The following THADA variants were observed in gnomAD, a reference collection of about 807,000 sequenced individuals.
The protein encoded by THADA is THADA armadillo repeat containing.
A neutral mutation model predicts 219.8 loss-of-function variants in THADA; 213 were observed. The observed-to-expected ratio is 0.97, with a 90% CI of 0.87 to 1.09. The LOEUF is 1.09. Ranked by LOEUF, THADA falls within the 50% of genes least tolerant of loss-of-function variation. THADA has a pLI of 0.00. For synonymous variants in THADA, 1,018 were observed against 828.9 expected, an observed-to-expected ratio of 1.23 and a Z score of -3.92; for missense variants, 2,956 against 2,311.3, an observed-to-expected ratio of 1.28 and a Z score of -5.72.
chr2:43,586,635 G>A lies in THADA; in HGVS notation c.484+67C>T, dbSNP rs961317198. 50 of 1,523,352 alleles carry A rather than the reference G, an allele frequency of 3.3e-5. 1 individual carries two copies. Among genetic ancestry groups the A allele is most frequent in the Middle Eastern group, 2.4e-4 (1 of 4,190 alleles). 94.4% of individuals were successfully genotyped at this position (1,523,352 alleles called of 1,614,324 possible). A position where few individuals can be genotyped will look rare whatever the true frequency, so the allele number is the denominator to read the frequency against. On this transcript the variant is annotated intron_variant, in intron 6 of 37. Transcript: ENST00000405975. ...CTACCTATTACCAAGAAACTTAAAA[G>A]AGCCAGTTCCAAAATGACTCATACA...
At chr2:43,592,222 G>A (rs984359274) in intron 2 of THADA, 95 bp downstream of exon 2, 23 of 1,064,108 alleles carry the variant, frequency 2.2e-5, no homozygotes, top group Non-Finnish European at 2.8e-5. Flanking sequence ...AAAATATAAA[G>A]AATTTGAATA....
intron 1 of THADA, among the ~76,000 whole-genome samples, chr2:43,593,897 T>A (rs1212727536): frequency 6.6e-6 from 1 of 152,138 alleles, no homozygotes; most frequent in African/African-American, 2.4e-5. Context: ...CCCCCCAAAG[T>A]GCTGGGATTA....
intron 22 of THADA, among the ~76,000 whole-genome samples, chr2:43,510,172 A>G (rs1302342446): frequency 1.3e-5 from 2 of 152,228 alleles, no homozygotes. Flanking sequence ...CAAAGTTTCC[A>G]TATTTTTAGA....
intron 4 of THADA, among the ~76,000 whole-genome samples, chr2:43,589,879 C>G (rs1350004836): frequency 6.6e-6 from 1 of 151,680 alleles, no homozygotes; most frequent in Non-Finnish European, 1.5e-5. Context: ...AAGGTTAAGA[C>G]TGAGTTTTTA....
chr2:43,343,467 T>C (rs904358354), intron 30 of THADA: 2 of 152,236 alleles, frequency 1.3e-5, no homozygotes, highest in Admixed American at 1.3e-4. Context: ...GTTAACACTA[T>C]CCTACCACCA....
chr2:43,514,424 C>A (rs1690906527), intron 22 of THADA, among the ~76,000 whole-genome samples: 1 of 146,462 alleles, frequency 6.8e-6, no homozygotes, highest in Non-Finnish European at 1.5e-5. Context: ...GCACTCCAGC[C>A]TGGGTGACAG....
intron 26 of THADA, among the ~76,000 whole-genome samples, chr2:43,431,562 T>G (rs190297142): frequency 0.013 from 1,917 of 150,676 alleles, 61 homozygotes; most frequent in African/African-American, 0.045. Flanking sequence ...ATCTCCTGGG[T>G]TCACGCCATT....
At chr2:43,417,685 A>G (rs1677168887) in intron 28 of THADA, among the ~76,000 whole-genome samples, 1 of 152,252 alleles carries the variant, frequency 6.6e-6, no homozygotes, top group South Asian at 2.1e-4. Flanking sequence ...TCACAGACAC[A>G]GCATCATAAA....
intron 26 of THADA, among the ~76,000 whole-genome samples, chr2:43,480,543 C>T (rs1323742231): frequency 6.6e-6 from 1 of 151,962 alleles, no homozygotes; most frequent in Admixed American, 6.6e-5. Flanking sequence ...TTACCCTGGC[C>T]GCTCACGCCT....
intron 26 of THADA, among the ~76,000 whole-genome samples, chr2:43,469,672 A>G (rs1684673952): frequency 6.6e-6 from 1 of 151,934 alleles, no homozygotes; most frequent in Middle Eastern, 3.2e-3. Context: ...ATCCCCTCAA[A>G]AAATCCAAAA....
intron 30 of THADA, among the ~76,000 whole-genome samples, chr2:43,325,671 A>G (rs1431907444): frequency 6.6e-6 from 1 of 152,060 alleles, no homozygotes; most frequent in Admixed American, 6.6e-5. Flanking sequence ...AGAGTGTATC[A>G]AAGTAGTGTA....
chr2:43,241,716 G>A (rs986139290), intron 36 of THADA, among the ~76,000 whole-genome samples: 1 of 151,992 alleles, frequency 6.6e-6, no homozygotes, highest in Non-Finnish European at 1.5e-5. Context: ...GGAGCAGAGC[G>A]GTGGCCACGC....
intron 21 of THADA, among the ~76,000 whole-genome samples, chr2:43,533,268 G>GA (rs1294617193): frequency 2.0e-5 from 3 of 152,172 alleles, no homozygotes; most frequent in Admixed American, 1.3e-4. Context: ...TGGAGAAATA[G>GA]AAACACTTTT....
chr2:43,526,281 A>G (rs1693150247), intron 22 of THADA, among the ~76,000 whole-genome samples: 1 of 152,138 alleles, frequency 6.6e-6, no homozygotes, highest in African/African-American at 2.4e-5. Context: ...CCTATGATCT[A>G]TTTCAGAGCA....
intron 25 of THADA, among the ~76,000 whole-genome samples, chr2:43,488,403 G>C (rs532945966): frequency 3.5e-4 from 54 of 152,150 alleles, no homozygotes; most frequent in African/African-American, 1.2e-3. Flanking sequence ...GCCTTTTCTG[G>C]ATACTTCATA....
chr2:43,462,664 T>G (rs961720626), intron 26 of THADA, among the ~76,000 whole-genome samples: 1 of 152,156 alleles, frequency 6.6e-6, no homozygotes, highest in African/African-American at 2.4e-5. Context: ...AATTTTGGTT[T>G]CTCTTCATTT....
chr2:43,286,950 T>G lies in THADA; in HGVS notation c.5122A>C (p.Ser1708Arg). 6.2e-7 allele frequency: 1 copy of G among 1,613,942 alleles called. No individual in the cohort carries two copies. The highest frequency in any genetic ancestry group is 8.5e-7 in the Non-Finnish European group (1 of 1,179,862). The part of the protein sequence containing the change: ...SRLAVVEVLT[S>R]TTPLFLTNPH... Reference sequence around the variant, plus strand: ...TTGGTGAGGAAAAGTGGTGTAGTACTGGTGAGGACTTCAACGACGGCCAGC... The same window carrying G: ...TTGGTGAGGAAAAGTGGTGTAGTACGGGTGAGGACTTCAACGACGGCCAGC... The change falls in exon 35 of 38, where the codon AGT becomes CGT. Residue 1708 changes from serine to arginine, a missense_variant. Ser to Arg is a moderately radical substitution (Grantham distance 110, BLOSUM62 -1). Transcript: ENST00000405975.
intron 29 of THADA, among the ~76,000 whole-genome samples, chr2:43,378,392 T>C (rs1671625118): frequency 1.3e-5 from 2 of 152,208 alleles, no homozygotes; most frequent in East Asian, 1.9e-4. Flanking sequence ...TGGAATTTAA[T>C]AAAGATATTA....
intron 29 of THADA, among the ~76,000 whole-genome samples, chr2:43,383,747 T>C (rs1381282830): frequency 6.6e-6 from 1 of 152,176 alleles, no homozygotes. Flanking sequence ...GACAAGGTTC[T>C]CTAAACTGTG....
Sources: allele counts gnomAD v4.1 joint callset (sites outside exome capture counted in the v4.1 genomes callset), GRCh38; gene constraint gnomAD v4.1.1; transcripts MANE v1.5; gene names NCBI Gene and HGNC (gene_info 2026-07-23, HGNC 2026-07-21).